PDE10A: variants seen among roughly 807,000 people sequenced by gnomAD.
PDE10A encodes the protein phosphodiesterase 10A.
Under a neutral mutation model 97.7 loss-of-function variants are expected in PDE10A, and 39 were observed. The ratio of observed to expected loss-of-function variants is 0.40; its 90% CI spans 0.31 to 0.52. The LOEUF (loss-of-function observed/expected upper bound fraction) is 0.52, where lower values mean the gene tolerates loss of function less well. Ranked by LOEUF, PDE10A falls within the 20% of genes least tolerant of loss-of-function variation. The pLI, the probability that PDE10A is intolerant of heterozygous loss-of-function variation, is 0.56. For synonymous variants in PDE10A, 371 were observed against 376.8 expected (o/e 0.98, Z 0.18); for missense variants, 731 against 1,047.8 (o/e 0.70, Z 4.17).
Position 165,662,453 on chromosome 6 carries a change from G to C in PDE10A, c.359C>G (p.Pro120Arg), listed in dbSNP as rs1790331567. The C allele has an allele frequency of 6.7e-6, 1 of 150,156 alleles. No individual in the cohort carries two copies. Among genetic ancestry groups the C allele is most frequent in the African/African-American group, 2.4e-5 (1 of 40,970 alleles). The allele number at this position is 150,156 out of a possible 1,614,324, so 9.3% of individuals were successfully genotyped here. Reference sequence around the variant, plus strand: ...AGAGGGAGGGGGCGGGGGGGGCGGCGGCCAGAAGTAAAAGAAAGATGGAGA... The same window carrying C: ...AGAGGGAGGGGGCGGGGGGGGCGGCCGCCAGAAGTAAAAGAAAGATGGAGA... ...SSSPSFFYFW[P>R]PPPPPPPSFL... is the part of the protein sequence containing the mutation. Residue 120 changes from proline (P) to arginine (R), a missense_variant, in exon 1 of 22, where the codon CCG becomes CGG. Physicochemically the swap from Pro to Arg is moderately radical, Grantham distance 103. Around this residue, in one of 8 missense-constraint regions of PDE10A, gnomAD observed 181 missense variants for 159.1 expected, o/e 1.14. Transcript: ENST00000539869.
intron 2 of PDE10A, among the ~76,000 whole-genome samples, chr6:165,531,968 C>T (rs537956): frequency 0.69 from 105,117 of 152,048 alleles, 39,650 homozygotes; most frequent in Non-Finnish European, 0.83. Context: ...TCATAGCATA[C>T]CACATCAAAA....
At chr6:165,447,514 G>A (rs1389553538) in intron 5 of PDE10A, among the ~76,000 whole-genome samples, 1 of 151,948 alleles carries the variant, frequency 6.6e-6, no homozygotes, top group Non-Finnish European at 1.5e-5. Flanking sequence ...AATGTGACGT[G>A]GACCACAACA....
intron 2 of PDE10A, among the ~76,000 whole-genome samples, chr6:165,505,375 C>T (rs1781131319): frequency 6.6e-6 from 1 of 152,132 alleles, no homozygotes; most frequent in Non-Finnish European, 1.5e-5. Context: ...AAATATATAA[C>T]TACTCACATT....
chr6:165,648,463 C>T (rs1027408281), intron 1 of PDE10A, among the ~76,000 whole-genome samples: 4 of 152,028 alleles, frequency 2.6e-5, no homozygotes. Flanking sequence ...TTTCTATACA[C>T]GTGCCCTCTC....
At chr6:165,687,914 G>A (rs748271663) in intron 1 of PDE10A, among the ~76,000 whole-genome samples, 18 of 152,184 alleles carry the variant, frequency 1.2e-4, no homozygotes, top group East Asian at 1.9e-4. Context: ...GCTTGAGCAC[G>A]CAGAGGTTGA....
intron 1 of PDE10A, among the ~76,000 whole-genome samples, chr6:165,792,141 G>T (rs1020978412): frequency 6.6e-6 from 1 of 152,174 alleles, no homozygotes; most frequent in East Asian, 1.9e-4. Flanking sequence ...CACACCTGCT[G>T]CTTCTCGGGC....
intron 3 of PDE10A, among the ~76,000 whole-genome samples, chr6:165,457,470 CA>C (rs569741017): frequency 1.7e-3 from 252 of 152,192 alleles, no homozygotes; most frequent in Non-Finnish European, 2.6e-3. Context: ...CACAGCTTCA[CA>C]AAGATAAGAC....
intron 3 of PDE10A, among the ~76,000 whole-genome samples, chr6:165,470,540 A>G (rs969222385): frequency 6.6e-6 from 1 of 152,250 alleles, no homozygotes; most frequent in African/African-American, 2.4e-5. Flanking sequence ...ACCTGATTAA[A>G]AATTAAAAGC....
intron 5 of PDE10A, among the ~76,000 whole-genome samples, chr6:165,445,755 G>A (rs187968147): frequency 2.6e-4 from 40 of 152,230 alleles, no homozygotes; most frequent in African/African-American, 9.4e-4. Flanking sequence ...GTTTAAAATG[G>A]TTTTGGATTG....
intron 1 of PDE10A, among the ~76,000 whole-genome samples, chr6:165,977,072 T>G (rs1008442843): frequency 1.3e-5 from 2 of 152,218 alleles, no homozygotes; most frequent in African/African-American, 2.4e-5. Flanking sequence ...TAAGATGAGA[T>G]TTATCATTCT....
At chr6:165,831,353 G>C (rs6936188) in intron 1 of PDE10A, among the ~76,000 whole-genome samples, 98,595 of 102,376 alleles carry the variant, frequency 0.96, 47,510 homozygotes, top group East Asian at 1. Context: ...GCCTGGGCGA[G>C]AGAGCGAGAC....
chr6:165,602,755 T>G (rs1398700847), intron 1 of PDE10A, among the ~76,000 whole-genome samples: 2 of 152,166 alleles, frequency 1.3e-5, no homozygotes. Context: ...GGTGTGAGGC[T>G]CAGGAGGGTC....
At chr6:165,751,771 C>T (rs1583037239) in intron 1 of PDE10A, among the ~76,000 whole-genome samples, 1 of 152,172 alleles carries the variant, frequency 6.6e-6, no homozygotes, top group South Asian at 2.1e-4. Flanking sequence ...AAGTTACCAT[C>T]CCTTTCCTAG....
intron 2 of PDE10A, among the ~76,000 whole-genome samples, chr6:165,505,609 G>T (rs1052467676): frequency 6.6e-6 from 1 of 152,154 alleles, no homozygotes; most frequent in East Asian, 1.9e-4. Context: ...AAGTTAATCG[G>T]TTGGTGGTCT....
chr6:165,679,081 A>T (rs1562680409), intron 1 of PDE10A, among the ~76,000 whole-genome samples: 1 of 152,252 alleles, frequency 6.6e-6, no homozygotes. Context: ...AAAGTACTCA[A>T]CAGGTGGTCA....
intron 1 of PDE10A, among the ~76,000 whole-genome samples, chr6:165,677,556 A>G (rs564822413): frequency 2.0e-5 from 3 of 152,366 alleles, no homozygotes; most frequent in African/African-American, 4.8e-5. Flanking sequence ...CAGTATTTAC[A>G]TAGCGTTTAC....
At position 165,655,688 on chromosome 6, in the gene PDE10A, G is replaced by C. The variant is rs1789915995; in HGVS notation, c.865+6259C>G. 6.6e-6 allele frequency among the ~76,000 whole-genome samples: 1 copy of C among 152,134 alleles called. No individual in the cohort carries two copies. Among genetic ancestry groups the C allele is most frequent in the South Asian group, 2.1e-4 (1 of 4,830 alleles). On this transcript the variant is annotated intron_variant, in intron 1 of 21. Coordinates refer to ENST00000539869, the MANE Select transcript of PDE10A (RefSeq NM_001385079.1). This position sits in a 1 kb window ranked among gnomAD's most constrained non-coding sequence, Gnocchi z 4.5. ...TCATTCATTCACCAAACTGCAGCCA[G>C]AATGAGCTTCTGAGATCATAAACCA... is the stretch of plus-strand genomic sequence containing the variant.
intron 17 of PDE10A, among the ~76,000 whole-genome samples, chr6:165,380,604 A>C (rs2128207680): frequency 6.6e-6 from 1 of 152,356 alleles, no homozygotes; most frequent in Non-Finnish European, 1.5e-5. Flanking sequence ...ACTTTGAAAC[A>C]CACGACTTCA....
chr6:165,443,229 A>G (rs900652669), intron 5 of PDE10A, among the ~76,000 whole-genome samples: 8 of 152,112 alleles, frequency 5.3e-5, no homozygotes, highest in Non-Finnish European at 8.8e-5. Flanking sequence ...TTTGGGGTAC[A>G]GGCATTGGGT....
Sources: gnomAD v4.1 joint callset for allele counts (sites outside exome capture counted in the v4.1 genomes callset) on GRCh38, gnomAD v4.1.1 for gene constraint, gnomAD v4.1.1 regional missense constraint, Gnocchi (gnomAD v3.1) non-coding constraint, MANE v1.5 for transcripts, NCBI Gene and HGNC (gene_info 2026-07-23, HGNC 2026-07-21) for gene names.